Variants in ETV6 observed in about 807,000 individuals in gnomAD.
ETV6 encodes the protein transcription factor ETV6.
In ETV6, 16 loss-of-function variants were observed where a neutral mutation model predicts 51.1. The ratio of observed to expected loss-of-function variants is 0.31; its 90% CI spans 0.21 to 0.48. The LOEUF (loss-of-function observed/expected upper bound fraction) is 0.48. ETV6 is among the 20% of genes least tolerant of loss of function. The probability of loss-of-function intolerance (pLI) is 0.99; values close to 1 mark genes in which losing one functional copy is unlikely to be tolerated. For missense variants in ETV6, 458 were observed against 594.8 expected (o/e 0.77, Z 2.39); for synonymous variants, 240 against 224.1 (o/e 1.07, Z -0.64).
At chr12:11,758,943 C>T (rs560372396) in intron 2 of ETV6, among the ~76,000 whole-genome samples, 6 of 152,276 alleles carry the variant, frequency 3.9e-5, no homozygotes, top group South Asian at 2.1e-4. Flanking sequence ...CTACTTTCCC[C>T]GCGGCACATG....
At chr12:11,777,697 C>A (rs180976996) in intron 2 of ETV6, among the ~76,000 whole-genome samples, 3 of 152,164 alleles carry the variant, frequency 2.0e-5, no homozygotes, top group Non-Finnish European at 4.4e-5. Context: ...CATTCTCTCG[C>A]CTCTTTCTTC....
chr12:11,839,287 A>G lies in ETV6; in HGVS notation c.311A>G (p.Tyr104Cys), dbSNP rs767103229. 49 of 1,613,752 alleles carry G rather than the reference A, an allele frequency of 3.0e-5. No homozygotes were observed. The highest frequency in any genetic ancestry group is 4.0e-5 in the Non-Finnish European group (47 of 1,179,820). ...CTGCTGACCAAAGAGGACTTTCGCT[A>G]TCGATCTCCTCATTCAGGTGAGAGT... ...LLLLTKEDFRYRSPHSGDVLY... is the reference protein window; with the variant it reads ...LLLLTKEDFRCRSPHSGDVLY... Residue 104 changes from tyrosine to cysteine, a missense_variant, in exon 3 of 8, where the codon TAT becomes TGT. Coordinates refer to ENST00000396373, the MANE Select transcript of ETV6 (RefSeq NM_001987.5).
chr12:11,751,700 G>T (rs895203358), intron 1 of ETV6: 4 of 376,656 alleles, frequency 1.1e-5, no homozygotes, highest in Non-Finnish European at 2.1e-5. Flanking sequence ...TTGATAAGGG[G>T]TCAAACAGTA....
intron 2 of ETV6, among the ~76,000 whole-genome samples, chr12:11,793,625 T>C (rs1591678006): frequency 6.6e-6 from 1 of 152,190 alleles, no homozygotes; most frequent in Non-Finnish European, 1.5e-5. Flanking sequence ...TCAACCCAGG[T>C]CGGACTCTAC....
Position 11,839,143 on chromosome 12 carries a change from T to C in ETV6, c.167T>C (p.Leu56Ser). Residue 56 changes from leucine (L) to serine (S), a missense_variant, in exon 3 of 8, where the codon TTG becomes TCG. Around this residue, in one of 4 missense-constraint regions of ETV6, gnomAD observed 84 missense variants for 75.9 expected, o/e 1.11. Transcript: ENST00000396373. ...TGCCTCATGCTCTCTCCAACAGGCT[T>C]GCAGCCAATTTACTGGAGCAGGGAT... ...DSIRLPAHLR[L>S]QPIYWSRDDV... is the part of the protein sequence containing the mutation. 1 of 1,613,808 alleles carries C rather than the reference T, an allele frequency of 6.2e-7. No homozygotes were observed. Among genetic ancestry groups the C allele is most frequent in the Non-Finnish European group, 8.5e-7 (1 of 1,179,740 alleles).
chr12:11,820,143 G>A (rs772665881), intron 2 of ETV6, among the ~76,000 whole-genome samples: 1 of 152,188 alleles, frequency 6.6e-6, no homozygotes, highest in Non-Finnish European at 1.5e-5. Flanking sequence ...GGAAATCGAG[G>A]CACAGAAAGG....
Position 11,869,853 on chromosome 12 carries a change from A to G in ETV6, c.893A>G (p.His298Arg), listed in dbSNP as rs1946853771. 1.2e-6 allele frequency: 2 copies of G among 1,613,298 alleles called. No individual in the cohort carries two copies. The highest frequency in any genetic ancestry group is 4.5e-5 in the East Asian group (2 of 44,886). The stretch of plus-strand genomic sequence containing the variant: ...TCCAGGCTCTCCGAGGACGGGCTGC[A>G]TAGGGAAGGGAAGCCCATCAACCTC... Reference protein sequence around the residue: ...KQSRLSEDGLHREGKPINLSH... With the variant: ...KQSRLSEDGLRREGKPINLSH... Residue 298 changes from histidine to arginine, a missense_variant, in exon 5 of 8, where the codon CAT (histidine) becomes CGT (arginine). This residue lies in a region of ETV6 where 293 missense variants were observed against 315.7 expected (regional missense o/e 0.93). Coordinates refer to ENST00000396373, the MANE Select transcript of ETV6 (RefSeq NM_001987.5). The surrounding 1 kb of genome is among the most constrained non-coding windows in gnomAD (Gnocchi z 5.0).
chr12:11,725,720 G>C (rs1462257812), intron 1 of ETV6, among the ~76,000 whole-genome samples: 1 of 152,144 alleles, frequency 6.6e-6, no homozygotes, highest in Non-Finnish European at 1.5e-5. Flanking sequence ...TGGGGTGAGT[G>C]AGTTCTCGCT....
chr12:11,714,802 A>C (rs1397865924), intron 1 of ETV6, among the ~76,000 whole-genome samples: 1 of 152,154 alleles, frequency 6.6e-6, no homozygotes, highest in African/African-American at 2.4e-5. Context: ...TGAGTTGCGT[A>C]TGTGAGTGGC....
At chr12:11,735,555 C>G (rs1177399727) in intron 1 of ETV6, among the ~76,000 whole-genome samples, 1 of 152,216 alleles carries the variant, frequency 6.6e-6, no homozygotes. Flanking sequence ...TCAGTAGGCT[C>G]TGGGTTCCAG....
intron 1 of ETV6, among the ~76,000 whole-genome samples, chr12:11,657,559 A>T (rs1864022772): frequency 6.6e-6 from 1 of 152,246 alleles, no homozygotes; most frequent in African/African-American, 2.4e-5. Context: ...AGTTACGTGG[A>T]TGAATGATTT....
intron 1 of ETV6, among the ~76,000 whole-genome samples, chr12:11,690,411 T>G (rs1240209640): frequency 6.6e-6 from 1 of 152,118 alleles, no homozygotes; most frequent in Non-Finnish European, 1.5e-5. Context: ...AGTCATAATC[T>G]TTACTTCAAA....
intron 4 of ETV6, among the ~76,000 whole-genome samples, chr12:11,854,370 GGAC>G (rs151256920): frequency 2.9e-3 from 445 of 152,246 alleles, no homozygotes; most frequent in African/African-American, 0.01. Flanking sequence ...AACAGGCCAT[GGAC>G]TGGTACCAGT....
At chr12:11,742,064 C>T (rs765346142) in intron 1 of ETV6, among the ~76,000 whole-genome samples, 2 of 152,192 alleles carry the variant, frequency 1.3e-5, no homozygotes, top group Non-Finnish European at 2.9e-5. Context: ...TTTCTATGTA[C>T]TGTTGCACAC....
intron 1 of ETV6, among the ~76,000 whole-genome samples, chr12:11,738,892 G>A (rs1449402753): frequency 6.6e-6 from 1 of 152,234 alleles, no homozygotes; most frequent in African/African-American, 2.4e-5. Context: ...AGTTGTGGCT[G>A]CGCAACGTTT....
intron 1 of ETV6, among the ~76,000 whole-genome samples, chr12:11,685,984 A>G (rs1864621271): frequency 6.6e-6 from 1 of 152,220 alleles, no homozygotes; most frequent in Non-Finnish European, 1.5e-5. Flanking sequence ...TCTTTTTACA[A>G]GAAAATCTTC....
At chr12:11,715,469 A>G (rs927935375) in intron 1 of ETV6, among the ~76,000 whole-genome samples, 1 of 152,136 alleles carries the variant, frequency 6.6e-6, no homozygotes, top group Non-Finnish European at 1.5e-5. Flanking sequence ...CAGGGATGCT[A>G]TGTTTATTTT....
rs563904570 is a variant in ETV6, at chr12:11,888,104, G to A, written c.1253+2078G>A. 1.7e-4 allele frequency among the ~76,000 whole-genome samples: 26 copies of A among 152,280 alleles called. 1 individual carries two copies. The South Asian group carries it at 4.6e-3, about 27-fold the overall frequency. On this transcript the variant is annotated intron_variant, in intron 7 of 7. Transcript: ENST00000396373. Reference sequence around the variant, plus strand: ...ATGTCTGGACTTCATGATTCACATCGGGATTCACTCAACAACGTCTTTCTG... The same window carrying A: ...ATGTCTGGACTTCATGATTCACATCAGGATTCACTCAACAACGTCTTTCTG...
chr12:11,772,421 T>C (rs1469478860), intron 2 of ETV6, among the ~76,000 whole-genome samples: 2 of 152,228 alleles, frequency 1.3e-5, no homozygotes, highest in African/African-American at 4.8e-5. Flanking sequence ...TTTTCAGTGA[T>C]CAGGTCTGTG....
Sources: allele counts gnomAD v4.1 joint callset (sites outside exome capture counted in the v4.1 genomes callset), GRCh38; gene constraint gnomAD v4.1.1; regional missense constraint gnomAD v4.1.1; non-coding constraint Gnocchi (gnomAD v3.1); transcripts MANE v1.5; gene names NCBI Gene and HGNC (gene_info 2026-07-23, HGNC 2026-07-21).